OSBP2: variants seen among roughly 807,000 people sequenced by gnomAD.
OSBP2 encodes the protein oxysterol-binding protein 2.
A neutral mutation model predicts 96.0 loss-of-function variants in OSBP2; 66 were observed. The ratio of observed to expected loss-of-function variants is 0.69; its 90% confidence interval spans 0.56 to 0.84. OSBP2 has a LOEUF of 0.84. Among genes scored for constraint, OSBP2 ranks in the 40% least tolerant of loss-of-function variants. OSBP2 has a pLI of 0.00. For synonymous variants in OSBP2, 525 were observed against 520.9 expected (o/e 1.01, Z -0.11); for missense variants, 1,038 against 1,222.7 (o/e 0.85, Z 2.25).
chr22:30,752,325 G>A (rs1032582543), intron 2 of OSBP2, among the ~76,000 whole-genome samples: 3 of 100,802 alleles, frequency 3.0e-5, no homozygotes, highest in African/African-American at 1.2e-4. Flanking sequence ...TTGAGACAGA[G>A]TCTCACTCTG....
intron 1 of OSBP2, among the ~76,000 whole-genome samples, chr22:30,730,902 C>G (rs530205011): frequency 1.4e-5 from 2 of 148,122 alleles, no homozygotes; most frequent in East Asian, 4.0e-4. Flanking sequence ...TGGCCGGGCG[C>G]GGTGCCTCAC....
At chr22:30,756,981 G>A (rs892219632) in intron 2 of OSBP2, among the ~76,000 whole-genome samples, 2 of 151,804 alleles carry the variant, frequency 1.3e-5, no homozygotes, top group African/African-American at 2.4e-5. Flanking sequence ...TCTGCTGTGT[G>A]GTGACCCCTT....
At chr22:30,891,950 G>A (rs1319844932) in intron 8 of OSBP2, among the ~76,000 whole-genome samples, 3 of 152,196 alleles carry the variant, frequency 2.0e-5, no homozygotes, top group Non-Finnish European at 4.4e-5. Flanking sequence ...GGTGGTCAGG[G>A]AGCAGCTTTG....
At chr22:30,894,465 A>G (rs1164136960) in intron 12 of OSBP2, 4 of 157,010 alleles carry the variant, frequency 2.5e-5, no homozygotes, top group African/African-American at 9.6e-5. Context: ...CAAAACCCAG[A>G]AAAGACAGGA....
intron 2 of OSBP2, among the ~76,000 whole-genome samples, chr22:30,760,644 T>C (rs1368473116): frequency 5.9e-5 from 9 of 151,980 alleles, no homozygotes; most frequent in Admixed American, 5.9e-4. Context: ...GGTGAAACCC[T>C]GTCTCTACTG....
intron 3 of OSBP2, among the ~76,000 whole-genome samples, chr22:30,879,770 A>G (rs1346128812): frequency 6.6e-6 from 1 of 152,214 alleles, no homozygotes; most frequent in African/African-American, 2.4e-5. Context: ...AGTGAAGCCA[A>G]GCCAGGCATG....
At chr22:30,795,545 G>T (rs1405639860) in intron 2 of OSBP2, among the ~76,000 whole-genome samples, 6 of 131,082 alleles carry the variant, frequency 4.6e-5, no homozygotes, top group African/African-American at 1.8e-4. Context: ...TTGAGATGGA[G>T]TTTCACTCTT....
chr22:30,735,717 T>C (rs2089843823), intron 1 of OSBP2, among the ~76,000 whole-genome samples: 2 of 152,008 alleles, frequency 1.3e-5, no homozygotes, highest in South Asian at 4.1e-4. Flanking sequence ...CTTCTTCTTC[T>C]TCTTCTTTTT....
rs144374244 is a variant in OSBP2, at chr22:30,858,867, G to A, written c.854-11562G>A. ...GCACTCCAGGCTGGGTGACAAGAGC[G>A]AGACTCTGTCTCAATAATAATAATA... On this transcript the variant is annotated intron_variant, in intron 2 of 13. Transcript: ENST00000332585. 9.5e-3 allele frequency among the ~76,000 whole-genome samples: 1,128 copies of A among 118,364 alleles called. 14 individuals are homozygous for A. The highest frequency in any genetic ancestry group is 0.031 in the East Asian group (144 of 4,576). The allele number at this position is 118,364 out of a possible 152,430, so 77.7% of individuals were successfully genotyped here. A position where few individuals can be genotyped will look rare whatever the true frequency, so the allele number is the denominator to read the frequency against.
At chr22:30,701,419 C>G (rs2089160756) in intron 1 of OSBP2, among the ~76,000 whole-genome samples, 1 of 148,346 alleles carries the variant, frequency 6.7e-6, no homozygotes, top group African/African-American at 2.5e-5. Flanking sequence ...TCTCGACTCA[C>G]TGCAAGCTCC....
intron 2 of OSBP2, among the ~76,000 whole-genome samples, chr22:30,816,085 C>G (rs738375): frequency 0.34 from 51,393 of 151,832 alleles, 9,591 homozygotes; most frequent in African/African-American, 0.49. Context: ...GTCAGCTGCA[C>G]TGTAGTCTCA....
intron 2 of OSBP2, among the ~76,000 whole-genome samples, chr22:30,859,929 C>T (rs1266420259): frequency 2.0e-5 from 3 of 152,032 alleles, no homozygotes; most frequent in Non-Finnish European, 2.9e-5. Flanking sequence ...GCCTGGCCGC[C>T]GCCCCCGGCC....
At chr22:30,835,749 T>G (rs1037703809) in intron 2 of OSBP2, among the ~76,000 whole-genome samples, 3 of 148,480 alleles carry the variant, frequency 2.0e-5, no homozygotes, top group African/African-American at 7.5e-5. Context: ...AGATACAAAG[T>G]CTCATTTTGT....
intron 2 of OSBP2, among the ~76,000 whole-genome samples, chr22:30,745,791 C>T (rs1437454774): frequency 1.3e-5 from 2 of 151,444 alleles, no homozygotes; most frequent in African/African-American, 4.9e-5. Flanking sequence ...GTTGGTAAAC[C>T]TTTAGCTAGA....
At chr22:30,776,770 T>A (rs2090443351) in intron 2 of OSBP2, among the ~76,000 whole-genome samples, 1 of 152,208 alleles carries the variant, frequency 6.6e-6, no homozygotes, top group African/African-American at 2.4e-5. Context: ...ATGGCTTAGT[T>A]AAGGGAAGAT....
chr22:30,696,204 G>C (rs941603538), intron 1 of OSBP2, among the ~76,000 whole-genome samples: 1 of 152,224 alleles, frequency 6.6e-6, no homozygotes, highest in Non-Finnish European at 1.5e-5. Flanking sequence ...TTAAAGTCCA[G>C]TGGTGAGAGA....
intron 1 of OSBP2, among the ~76,000 whole-genome samples, chr22:30,739,254 C>G (rs965747853): frequency 6.6e-6 from 1 of 152,204 alleles, no homozygotes; most frequent in Admixed American, 6.5e-5. Context: ...TGAGATTGCA[C>G]TATGTTTGCC....
chr22:30,841,532 G>A (rs537058323), intron 2 of OSBP2, among the ~76,000 whole-genome samples: 4 of 152,188 alleles, frequency 2.6e-5, no homozygotes, highest in Admixed American at 6.5e-5. Context: ...ATTCCGTGAC[G>A]TAGATACAGT....
chr22:30,838,984 C>G (rs1018427553), intron 2 of OSBP2, among the ~76,000 whole-genome samples: 1 of 109,994 alleles, frequency 9.1e-6, no homozygotes, highest in African/African-American at 3.4e-5. Context: ...CCCCCCTCCC[C>G]CCACCCTTCC....
Sources: allele counts gnomAD v4.1 joint callset (sites outside exome capture counted in the v4.1 genomes callset), GRCh38; gene constraint gnomAD v4.1.1; transcripts MANE v1.5; gene names NCBI Gene and HGNC (gene_info 2026-07-23, HGNC 2026-07-21).